Variants in CNIH1 observed in about 807,000 individuals in gnomAD.
The protein encoded by CNIH1 is cornichon family member 1, also known as protein cornichon homolog 1.
In CNIH1, 12 loss-of-function variants were observed where a neutral mutation model predicts 20.2. The ratio of observed to expected loss-of-function variants is 0.59; its 90% CI spans 0.38 to 0.96. CNIH1 has a LOEUF of 0.96. Among genes scored for constraint, CNIH1 ranks in the 40% least tolerant of loss-of-function variants. The probability of loss-of-function intolerance (pLI) is 0.00; values close to 1 mark genes in which losing one functional copy is unlikely to be tolerated. For synonymous variants in CNIH1, 69 were observed against 63.3 expected, an observed-to-expected ratio of 1.09 and a Z score of -0.43; for missense variants, 152 against 178.8, an observed-to-expected ratio of 0.85 and a Z score of 0.85.
chr14:54,427,924 T>A, intron 4 of CNIH1, 83 bp from the exon 5 acceptor site: 2 of 1,229,812 alleles, frequency 1.6e-6, no homozygotes, highest in African/African-American at 1.5e-5. Context: ...ATGCTTTATA[T>A]AGCAAACTAG....
At chr14:54,429,900 A>C (rs1048107636) in intron 4 of CNIH1, among the ~76,000 whole-genome samples, 1 of 152,216 alleles carries the variant, frequency 6.6e-6, no homozygotes, top group African/African-American at 2.4e-5. Flanking sequence ...AATGAAACAT[A>C]ATGTCTGGAG....
chr14:54,427,910 G>C, intron 4 of CNIH1, 69 bp from the exon 5 acceptor site: 2 of 1,460,454 alleles, frequency 1.4e-6, no homozygotes, highest in Non-Finnish European at 1.9e-6. Context: ...GAGCATGAGA[G>C]AGTATGCTTT....
chr14:54,437,978 G>GTTTTTTTTTTTT (rs368797544), intron 1 of CNIH1, among the ~76,000 whole-genome samples: 2 of 141,794 alleles, frequency 1.4e-5, no homozygotes, highest in Non-Finnish European at 1.5e-5. Context: ...GACTTCAAGG[G>GTTTTTTTTTTTT]TTTTTTTTTT....
chr14:54,436,899 C>A (rs2298078), intron 1 of CNIH1: 22,369 of 344,582 alleles, frequency 0.065, 1,274 homozygotes, highest in East Asian at 0.27. Flanking sequence ...ATAATGCCAT[C>A]GATATGGCTT....
chr14:54,439,562 G>T (rs113265187), intron 1 of CNIH1, among the ~76,000 whole-genome samples: 91 of 146,200 alleles, frequency 6.2e-4, no homozygotes, highest in African/African-American at 2.0e-3. Flanking sequence ...CTTTTTTTTT[G>T]TTTTTTTTTT....
At chr14:54,430,439 G>C (rs1040379372) in intron 3 of CNIH1, 35 bp from the exon 4 acceptor site, 1 of 1,573,046 alleles carries the variant, frequency 6.4e-7, no homozygotes, top group African/African-American at 1.4e-5. Flanking sequence ...CATTCAGAAA[G>C]GGCAGTAAAT....
In CNIH1 at chr14:54,440,674, T is replaced by G. The variant is rs28538536; in HGVS notation, c.81+573A>C. 3.8e-3 allele frequency among the ~76,000 whole-genome samples: 577 copies of G among 152,218 alleles called. 1 individual carries two copies. The highest frequency in any genetic ancestry group is 0.013 in the African/African-American group (546 of 41,526). On this transcript the variant is annotated intron_variant, in intron 1 of 4. Transcript: ENST00000216416. ...CACATGCAATCAACAAAGTAATCAA[T>G]TGAACTTGCATCAAAGTTCACCAGG...
At chr14:54,439,540 C>CTT (rs1177943299) in intron 1 of CNIH1, among the ~76,000 whole-genome samples, 1 of 149,820 alleles carries the variant, frequency 6.7e-6, no homozygotes, top group Non-Finnish European at 1.5e-5. Context: ...GAACCACACA[C>CTT]TTTCTTTCTT....
intron 1 of CNIH1, among the ~76,000 whole-genome samples, chr14:54,437,615 C>A (rs1322560603): frequency 4.7e-5 from 7 of 149,734 alleles, no homozygotes; most frequent in African/African-American, 2.5e-5. Context: ...GTGCCTGGCA[C>A]ATAGTTAAGT....
rs374745044 is a variant in CNIH1, at chr14:54,441,142, C to G, written c.81+105G>C. 1.1e-3 allele frequency: 1,312 copies of G among 1,202,058 alleles called. 36 individuals are homozygous for G. In the South Asian group the frequency reaches 0.03, roughly 28 times the overall value. 74.5% of individuals were successfully genotyped at this position (1,202,058 alleles called of 1,614,324 possible). ...GCCCGTGCCAGCCGGGCCGCATCCCCGACGCGCAAAGCCCCGGCGGCCGTG... is the reference window on the plus strand; with the variant it reads ...GCCCGTGCCAGCCGGGCCGCATCCCGGACGCGCAAAGCCCCGGCGGCCGTG... On this transcript the variant is annotated intron_variant, in intron 1 of 4. Coordinates refer to ENST00000216416, the MANE Select transcript of CNIH1 (RefSeq NM_005776.3).
intron 3 of CNIH1, 82 bp from the exon 4 acceptor site, chr14:54,430,486 C>G: frequency 2.2e-6 from 3 of 1,355,338 alleles, no homozygotes; most frequent in Non-Finnish European, 3.0e-6. Flanking sequence ...TCTAAAACAT[C>G]TGTTACGAGA....
At chr14:54,438,511 T>A (rs1043582159) in intron 1 of CNIH1, among the ~76,000 whole-genome samples, 3 of 152,206 alleles carry the variant, frequency 2.0e-5, no homozygotes, top group Admixed American at 1.3e-4. Context: ...TTAATACACA[T>A]CTTTAAGGAA....
intron 2 of CNIH1, among the ~76,000 whole-genome samples, chr14:54,433,035 T>G (rs1294733315): frequency 6.6e-6 from 1 of 152,180 alleles, no homozygotes; most frequent in Non-Finnish European, 1.5e-5. Flanking sequence ...GAAGAAAAAT[T>G]AATTCGAGCA....
At chr14:54,434,785 G>C (rs1042278337) in intron 2 of CNIH1, among the ~76,000 whole-genome samples, 4 of 152,104 alleles carry the variant, frequency 2.6e-5, no homozygotes, top group Non-Finnish European at 4.4e-5. Context: ...CAACTACTTA[G>C]GTTAAGATGT....
chr14:54,430,554 AT>A (rs1200988654), intron 3 of CNIH1, 150 bp from the exon 4 acceptor site: 4 of 672,634 alleles, frequency 5.9e-6, no homozygotes, highest in Non-Finnish European at 9.3e-6. Context: ...TCCTTTTACC[AT>A]CTTAATTTTA....
rs1566717738 is a variant in CNIH1, at chr14:54,436,169, A to AC, written c.150+199_150+200insG. ...AAAAGCAGATTGGAAGAATGTTAGT[A>AC]TGACAGCTGACAAGATCACCAGCAG... On this transcript the variant is annotated intron_variant, in intron 2 of 4. Transcript: ENST00000216416. 4.3e-6 allele frequency: 3 copies of AC among 705,586 alleles called. No homozygotes were observed. The Admixed American group carries it at 6.0e-5, about 14-fold the overall frequency. 43.7% of individuals were successfully genotyped at this position (705,586 alleles called of 1,614,324 possible).
chr14:54,441,171 G>C, intron 1 of CNIH1, 76 bp downstream of exon 1: 1 of 1,392,650 alleles, frequency 7.2e-7, no homozygotes, highest in Non-Finnish European at 9.5e-7. Flanking sequence ...GGCCGTGGCG[G>C]CCCGGACCGC....
intron 2 of CNIH1, 148 bp downstream of exon 2, chr14:54,436,221 C>A (rs2031052147): frequency 1.4e-6 from 1 of 697,464 alleles, no homozygotes; most frequent in Non-Finnish European, 2.6e-6. Flanking sequence ...TCAAGCACGA[C>A]AGGAAAAAGA....
intron 1 of CNIH1, among the ~76,000 whole-genome samples, chr14:54,438,315 C>T (rs1400877987): frequency 2.0e-5 from 3 of 152,138 alleles, no homozygotes; most frequent in Admixed American, 2.0e-4. Flanking sequence ...GAATGGGTTT[C>T]TCTTTGAGTG....
Sources: gnomAD v4.1 joint callset for allele counts (sites outside exome capture counted in the v4.1 genomes callset) on GRCh38, gnomAD v4.1.1 for gene constraint, MANE v1.5 for transcripts, NCBI Gene and HGNC (gene_info 2026-07-23, HGNC 2026-07-21) for gene names.